Variants in EWSR1 observed in about 807,000 individuals in gnomAD.
EWSR1 encodes EWS RNA binding protein 1, also known as RNA-binding protein EWS.
Under a neutral mutation model 92.1 loss-of-function variants are expected in EWSR1, and 14 were observed. The ratio of observed to expected loss-of-function variants is 0.15; its 90% CI spans 0.10 to 0.24. EWSR1 has a LOEUF of 0.24. EWSR1 is among the 10% of genes least tolerant of loss of function. EWSR1 has a pLI of 1.00. For missense variants in EWSR1, 637 were observed against 870.9 expected (o/e 0.73, Z 3.38); for synonymous variants, 303 against 292.9 (o/e 1.03, Z -0.35).
At chr22:29,278,704 C>G (rs1266020852) in intron 5 of EWSR1, among the ~76,000 whole-genome samples, 2 of 151,978 alleles carry the variant, frequency 1.3e-5, no homozygotes, top group African/African-American at 4.8e-5. Flanking sequence ...GGGTGCCTGT[C>G]GTCCCAGCTA....
intron 8 of EWSR1, chr22:29,290,159 A>G: frequency 2.8e-6 from 1 of 356,782 alleles, no homozygotes; most frequent in East Asian, 4.2e-5. Flanking sequence ...CAGCCATAGA[A>G]GAGACCATGG....
chr22:29,272,096 G>A (rs2058725898), intron 1 of EWSR1, 120 bp from the exon 2 acceptor site: 1 of 855,448 alleles, frequency 1.2e-6, no homozygotes, highest in African/African-American at 1.7e-5. Flanking sequence ...TTGGACCTGT[G>A]TTGGCAGGTC....
chr22:29,276,335 G>C (rs2146948921), intron 4 of EWSR1: 1 of 228,632 alleles, frequency 4.4e-6, no homozygotes, highest in East Asian at 6.3e-5. Context: ...TATTGCTTGG[G>C]GCTTCCTGTT....
At chr22:29,283,281 A>C (rs759178702) in intron 6 of EWSR1, among the ~76,000 whole-genome samples, 2 of 152,226 alleles carry the variant, frequency 1.3e-5, no homozygotes, top group Non-Finnish European at 2.9e-5. Flanking sequence ...TACCTAACAC[A>C]TAAAGGTTTA....
chr22:29,273,610 GTTT>G, intron 3 of EWSR1, 128 bp from the exon 4 acceptor site: 4 of 1,019,116 alleles, frequency 3.9e-6, no homozygotes, highest in Non-Finnish European at 5.6e-6. Context: ...TTGTTTTGTT[GTTT>G]TTGTTTTGTT....
chr22:29,271,827 G>T (rs894824298), intron 1 of EWSR1, among the ~76,000 whole-genome samples: 3 of 152,166 alleles, frequency 2.0e-5, no homozygotes, highest in Admixed American at 2.0e-4. Context: ...TATTATTGTT[G>T]CATGCCTCCG....
At chr22:29,298,038 T>C (rs1434193574) in intron 13 of EWSR1, 89 bp downstream of exon 13, 5 of 1,406,054 alleles carry the variant, frequency 3.6e-6, no homozygotes, top group South Asian at 2.7e-5. Context: ...TGAAGAAATA[T>C]AAAATTGTGT....
chr22:29,297,818 T>C lies in EWSR1; in HGVS notation c.1295-9T>C, dbSNP rs563553215. 8.1e-6 allele frequency: 13 copies of C among 1,613,766 alleles called. No individual in the cohort carries two copies. In the East Asian group the frequency reaches 2.5e-4, roughly 30 times the overall value. ...GGGGAGTAATTGATGTTCTGTTGTC[T>C]TGTTCCAGGGAAAGATTTTCAAGGG... is the stretch of plus-strand genomic sequence containing the variant. On this transcript the variant is annotated splice_polypyrimidine_tract_variant and intron_variant, in intron 12 of 16. Transcript: ENST00000397938.
chr22:29,268,348 G>A lies in EWSR1; in HGVS notation c.12G>A (p.Thr4=), dbSNP rs147203739. Residue 4 remains threonine (T), a splice_region_variant and synonymous_variant, in exon 1 of 17, where the codon ACG becomes ACA. Coordinates refer to ENST00000397938, the MANE Select transcript of EWSR1 (RefSeq NM_005243.4). MAS[T]DYSTYSQAAA... Reference sequence around the variant, plus strand: ...AGGAAGGAGAGAAAATGGCGTCCACGGGTGAGTATGGTGGAACTGCGGTCG... The same window carrying A: ...AGGAAGGAGAGAAAATGGCGTCCACAGGTGAGTATGGTGGAACTGCGGTCG... 1.4e-4 allele frequency: 228 copies of A among 1,614,010 alleles called. No homozygotes were observed. The highest frequency in any genetic ancestry group is 1.8e-4 in the Non-Finnish European group (213 of 1,179,998).
intron 7 of EWSR1, 115 bp from the exon 8 acceptor site, chr22:29,288,491 A>C (rs974184302): frequency 3.2e-6 from 3 of 950,314 alleles, no homozygotes; most frequent in Non-Finnish European, 4.6e-6. Flanking sequence ...GATGTAAAGA[A>C]GATGGTGCCT....
chr22:29,289,776 C>T, intron 8 of EWSR1: 1 of 232,010 alleles, frequency 4.3e-6, no homozygotes, highest in Non-Finnish European at 8.5e-6. Context: ...AGCAAATACT[C>T]TTCACTACTG....
intron 1 of EWSR1, among the ~76,000 whole-genome samples, chr22:29,270,642 A>C (rs970536341): frequency 6.6e-6 from 1 of 152,214 alleles, no homozygotes; most frequent in African/African-American, 2.4e-5. Flanking sequence ...GATGTTTTAC[A>C]TAACTGCTCT....
chr22:29,299,917 G>T, intron 16 of EWSR1, 66 bp downstream of exon 16: 2 of 1,534,722 alleles, frequency 1.3e-6, no homozygotes, highest in African/African-American at 2.8e-5. Flanking sequence ...TTCCCAGCTT[G>T]GTTGGCGCAA....
chr22:29,272,518 A>G, intron 3 of EWSR1, 87 bp downstream of exon 3: 1 of 1,331,492 alleles, frequency 7.5e-7, no homozygotes, highest in Non-Finnish European at 1.1e-6. Flanking sequence ...CAGTAAAACA[A>G]ATGAGTAATG....
At chr22:29,280,764 C>G (rs1602308269) in intron 5 of EWSR1, among the ~76,000 whole-genome samples, 1 of 150,198 alleles carries the variant, frequency 6.7e-6, no homozygotes, top group South Asian at 2.1e-4. Flanking sequence ...GCCTCCGCCT[C>G]CGGGGTTCAA....
chr22:29,275,655 A>T (rs1406806463), intron 4 of EWSR1: 1 of 229,516 alleles, frequency 4.4e-6, no homozygotes, highest in Non-Finnish European at 8.6e-6. Context: ...ATTTTTCCTT[A>T]CCTCATACTG....
intron 6 of EWSR1, among the ~76,000 whole-genome samples, chr22:29,284,712 C>T (rs927081102): frequency 2.0e-5 from 3 of 151,280 alleles, no homozygotes; most frequent in Non-Finnish European, 4.4e-5. Flanking sequence ...CCTGTAGCCT[C>T]GAACTTCCTG....
Position 29,268,310 on chromosome 22 carries a change from T to C in EWSR1, c.-27T>C. 6.2e-7 allele frequency: 1 copy of C among 1,613,298 alleles called. No homozygotes were observed. The highest frequency in any genetic ancestry group is 8.5e-7 in the Non-Finnish European group (1 of 1,179,290). ...GGGAAAGCGAGAGGGAGACGGACGT[T>C]GAGAGAACGAGGAGGAAGGAGAGAA... On this transcript the variant is annotated 5_prime_UTR_variant, in exon 1 of 17. Coordinates refer to ENST00000397938, the MANE Select transcript of EWSR1 (RefSeq NM_005243.4).
intron 11 of EWSR1, 197 bp from the exon 12 acceptor site, chr22:29,296,041 CT>C: frequency 1.8e-6 from 1 of 548,834 alleles, no homozygotes; most frequent in Non-Finnish European, 3.2e-6. Context: ...ACACTTTGGT[CT>C]ACTTTGGTTT....
Sources: gnomAD v4.1 joint callset for allele counts (sites outside exome capture counted in the v4.1 genomes callset) on GRCh38, gnomAD v4.1.1 for gene constraint, MANE v1.5 for transcripts, NCBI Gene and HGNC (gene_info 2026-07-23, HGNC 2026-07-21) for gene names.